The following PTPN12 variants were observed in gnomAD, a reference collection of about 807,000 sequenced individuals.
PTPN12 encodes the protein tyrosine-protein phosphatase non-receptor type 12.
A neutral mutation model predicts 97.6 loss-of-function variants in PTPN12; 29 were observed. The observed-to-expected ratio is 0.30, with a 90% CI of 0.22 to 0.41. PTPN12 has a LOEUF of 0.41. Ranked by LOEUF, PTPN12 falls within the 10% of genes least tolerant of loss-of-function variation. The pLI is 1.00. For missense variants in PTPN12, 819 were observed against 926.0 expected, an observed-to-expected ratio of 0.88 and a Z score of 1.50; for synonymous variants, 327 against 300.4, an observed-to-expected ratio of 1.09 and a Z score of -0.91.
In PTPN12 at chr7:77,569,929, T is replaced by C. The variant is rs556134138; in HGVS notation, c.100-1149T>C. On this transcript the variant is annotated intron_variant, in intron 1 of 17. Coordinates refer to ENST00000248594, the MANE Select transcript of PTPN12 (RefSeq NM_002835.4). ...GTCTTGAACTCCTGGCTTCAAGCAG[T>C]CCTCCCAAAGTGCTAGGATTACAAG... Among the ~76,000 whole-genome samples, 10 of 152,250 alleles carry C rather than the reference T, an allele frequency of 6.6e-5. No individual in the cohort carries two copies. The South Asian group carries it at 1.9e-3, about 28-fold the overall frequency.
intron 1 of PTPN12, among the ~76,000 whole-genome samples, chr7:77,555,626 T>A (rs1807673764): frequency 6.6e-6 from 1 of 152,074 alleles, no homozygotes; most frequent in Non-Finnish European, 1.5e-5. Flanking sequence ...ATCTCTAGCG[T>A]TTCTTAGGCC....
At chr7:77,635,154 A>G (rs192182662) in intron 14 of PTPN12, among the ~76,000 whole-genome samples, 6 of 152,194 alleles carry the variant, frequency 3.9e-5, no homozygotes, top group Admixed American at 2.6e-4. Context: ...GCCAAGCACA[A>G]TGGCTTATGC....
chr7:77,586,039 C>T lies in PTPN12; in HGVS notation c.420+458C>T, dbSNP rs558561495. On this transcript the variant is annotated intron_variant, in intron 5 of 17. Transcript: ENST00000248594. ...TACAATCTTGGCTCACTGCAACCTC[C>T]GCCTCCCAGGTTCAAGCGACTCTCC... 1.8e-4 allele frequency among the ~76,000 whole-genome samples: 28 copies of T among 152,214 alleles called. No individual in the cohort carries two copies. In the East Asian group the frequency reaches 1.9e-3, roughly 10 times the overall value.
intron 1 of PTPN12, among the ~76,000 whole-genome samples, chr7:77,548,674 TA>T (rs1807336117): frequency 6.6e-6 from 1 of 152,150 alleles, no homozygotes; most frequent in Admixed American, 6.5e-5. Context: ...GAGTAGAGCA[TA>T]AATATCCTCA....
At position 77,561,725 on chromosome 7, in the gene PTPN12, C is replaced by G. The variant is rs186675969; in HGVS notation, c.100-9353C>G. ...GTAATTGTGGCTTAATATGTTAATA[C>G]TAGAACTTAATATTCTCAATTTTAC... On this transcript the variant is annotated intron_variant, in intron 1 of 17. Coordinates refer to ENST00000248594, the MANE Select transcript of PTPN12 (RefSeq NM_002835.4). Among the ~76,000 whole-genome samples the G allele has an allele frequency of 4.6e-4, 70 of 151,956 alleles. 1 individual carries two copies. The highest frequency in any genetic ancestry group is 8.2e-4 in the Non-Finnish European group (56 of 67,958).
At position 77,618,463 on chromosome 7, in the gene PTPN12, A is replaced by AT. The variant is rs773860685; in HGVS notation, c.940-11dup. The AT allele has an allele frequency of 1.4e-5, 22 of 1,524,518 alleles. No individual in the cohort carries two copies. Among genetic ancestry groups the AT allele is most frequent in the Admixed American group, 1.8e-5 (1 of 55,508 alleles). 94.4% of individuals were successfully genotyped at this position (1,524,518 alleles called of 1,614,324 possible). A position where few individuals can be genotyped will look rare whatever the true frequency, so the allele number is the denominator to read the frequency against. On this transcript the variant is annotated splice_polypyrimidine_tract_variant and intron_variant, in intron 11 of 17. Transcript: ENST00000248594. The stretch of plus-strand genomic sequence containing the variant: ...ATTTTTCTCTTAACCTTAGTGAAGT[A>AT]TTTTTTCCCTTGGCAGAATGAAATT...
intron 1 of PTPN12, chr7:77,563,923 CT>C (rs367743089): frequency 8.0e-4 from 343 of 428,644 alleles, no homozygotes; most frequent in South Asian, 1.3e-3. Context: ...TGCATTTTTT[CT>C]TTTTTTTTGA....
At chr7:77,564,744 G>GTTTTTTTTTTTTTTTT (rs1329627463) in intron 1 of PTPN12, among the ~76,000 whole-genome samples, 2 of 34,364 alleles carry the variant, frequency 5.8e-5, no homozygotes, top group Non-Finnish European at 1.1e-4. Context: ...TTTTGTTGTC[G>GTTTTTTTTTTTTTTTT]TGTTTTTTTT....
intron 1 of PTPN12, among the ~76,000 whole-genome samples, chr7:77,563,028 A>C (rs1462007507): frequency 2.7e-5 from 4 of 150,644 alleles, no homozygotes; most frequent in Non-Finnish European, 5.9e-5. Flanking sequence ...TGCCATATTT[A>C]TTATTTTAAA....
At chr7:77,577,376 G>A (rs1787374992) in intron 2 of PTPN12, among the ~76,000 whole-genome samples, 2 of 152,078 alleles carry the variant, frequency 1.3e-5, no homozygotes, top group Middle Eastern at 3.2e-3. Context: ...TAGAGGAAAC[G>A]TTCATTCCAT....
intron 6 of PTPN12, among the ~76,000 whole-genome samples, chr7:77,596,331 A>ATT (rs1188887102): frequency 2.0e-5 from 3 of 151,794 alleles, no homozygotes; most frequent in Non-Finnish European, 4.4e-5. Flanking sequence ...ATTTGTACAT[A>ATT]TTGTTTGGGT....
intron 8 of PTPN12, chr7:77,604,980 TTGTG>T (rs1337121387): frequency 1.8e-5 from 5 of 273,036 alleles, no homozygotes; most frequent in Non-Finnish European, 3.9e-5. Flanking sequence ...GAACTTTCTA[TTGTG>T]TTTCATTGAT....
At chr7:77,583,286 G>A (rs1015214354) in intron 3 of PTPN12, among the ~76,000 whole-genome samples, 3 of 152,144 alleles carry the variant, frequency 2.0e-5, no homozygotes, top group Non-Finnish European at 2.9e-5. Flanking sequence ...GCCTAGATAA[G>A]TAATAATTTT....
intron 2 of PTPN12, among the ~76,000 whole-genome samples, chr7:77,577,532 A>G (rs1388342062): frequency 6.6e-6 from 1 of 152,076 alleles, no homozygotes; most frequent in South Asian, 2.1e-4. Flanking sequence ...GATATCCTCA[A>G]GATGTTCCTT....
chr7:77,617,102 G>C (rs1282011658), intron 11 of PTPN12, among the ~76,000 whole-genome samples: 1 of 152,080 alleles, frequency 6.6e-6, no homozygotes, highest in Non-Finnish European at 1.5e-5. Flanking sequence ...CCTTTTTGAT[G>C]CAGAGTCTCT....
At chr7:77,551,289 T>G (rs7357107) in intron 1 of PTPN12, among the ~76,000 whole-genome samples, 106,730 of 152,062 alleles carry the variant, frequency 0.7, 38,426 homozygotes, top group East Asian at 0.9. Context: ...TTGGACTCCT[T>G]ACCTCAGGTA....
intron 11 of PTPN12, among the ~76,000 whole-genome samples, chr7:77,612,549 C>T (rs899548992): frequency 6.6e-6 from 1 of 152,162 alleles, no homozygotes; most frequent in Non-Finnish European, 1.5e-5. Context: ...AGCGATTCTC[C>T]TGCCTCAGCC....
intron 4 of PTPN12, among the ~76,000 whole-genome samples, chr7:77,584,632 C>G (rs564786348): frequency 6.6e-4 from 101 of 152,208 alleles, no homozygotes; most frequent in African/African-American, 2.2e-3. Context: ...AATCCCAGCA[C>G]TTTGGGAGGC....
intron 6 of PTPN12, among the ~76,000 whole-genome samples, chr7:77,592,766 A>G (rs1787907045): frequency 6.6e-6 from 1 of 152,214 alleles, no homozygotes; most frequent in Non-Finnish European, 1.5e-5. Flanking sequence ...TTAATATGTA[A>G]TGACCTCTGG....
Sources: allele counts gnomAD v4.1 joint callset (sites outside exome capture counted in the v4.1 genomes callset), GRCh38; gene constraint gnomAD v4.1.1; transcripts MANE v1.5; gene names NCBI Gene and HGNC (gene_info 2026-07-23, HGNC 2026-07-21).